Variants in TTC27 observed in about 807,000 individuals in gnomAD.
The protein encoded by TTC27 is tetratricopeptide repeat protein 27.
In TTC27, 79 loss-of-function variants were observed where a neutral mutation model predicts 115.9. The ratio of observed to expected loss-of-function variants is 0.68; its 90% CI spans 0.57 to 0.82. The LOEUF (loss-of-function observed/expected upper bound fraction) is 0.82. Among genes scored for constraint, TTC27 ranks in the 40% least tolerant of loss-of-function variants. The probability of loss-of-function intolerance (pLI) is 0.00; values close to 1 mark genes in which losing one functional copy is unlikely to be tolerated. For synonymous variants in TTC27, 401 were observed against 356.0 expected (o/e 1.13, Z -1.42); for missense variants, 1,054 against 993.1 (o/e 1.06, Z -0.82).
intron 9 of TTC27, among the ~76,000 whole-genome samples, chr2:32,690,590 A>C (rs917402013): frequency 2.6e-5 from 4 of 152,220 alleles, no homozygotes; most frequent in Admixed American, 6.5e-5. Context: ...GATAGGGTTT[A>C]GATGGAGTGA....
intron 16 of TTC27, among the ~76,000 whole-genome samples, chr2:32,792,441 G>A (rs1229915973): frequency 3.3e-5 from 5 of 152,108 alleles, no homozygotes; most frequent in Admixed American, 2.0e-4. Flanking sequence ...GACATCTGGC[G>A]TATTTAACCT....
At chr2:32,733,457 C>G (rs1251273954) in intron 10 of TTC27, among the ~76,000 whole-genome samples, 1 of 152,096 alleles carries the variant, frequency 6.6e-6, no homozygotes, top group Non-Finnish European at 1.5e-5. Flanking sequence ...TAATTTTTCT[C>G]TGATTTATAT....
At chr2:32,786,937 A>T in intron 15 of TTC27, 47 bp from the exon 16 acceptor site, 1 of 1,484,514 alleles carries the variant, frequency 6.7e-7, no homozygotes, top group Non-Finnish European at 9.2e-7. Context: ...TTATTCTAAT[A>T]AAAAAAGAGT....
intron 10 of TTC27, among the ~76,000 whole-genome samples, chr2:32,712,226 AG>A (rs1256694120): frequency 1.3e-5 from 2 of 152,250 alleles, no homozygotes; most frequent in Non-Finnish European, 2.9e-5. Flanking sequence ...TCACAACTAA[AG>A]GTAAATAAAT....
chr2:32,786,903 G>C (rs1572612976), intron 15 of TTC27, 81 bp from the exon 16 acceptor site: 1 of 1,216,938 alleles, frequency 8.2e-7, no homozygotes, highest in Non-Finnish European at 1.1e-6. Flanking sequence ...GTCCACATTA[G>C]TATTTTATAC....
chr2:32,668,974 G>A (rs1367953403), intron 7 of TTC27, among the ~76,000 whole-genome samples: 5 of 151,994 alleles, frequency 3.3e-5, no homozygotes, highest in African/African-American at 1.2e-4. Flanking sequence ...AGCTACTCCG[G>A]AGTCTGTGGC....
chr2:32,772,144 G>A (rs983376546), intron 13 of TTC27, among the ~76,000 whole-genome samples: 1 of 152,112 alleles, frequency 6.6e-6, no homozygotes, highest in Non-Finnish European at 1.5e-5. Context: ...TTGTCTAGTG[G>A]TGCTTAGTTT....
chr2:32,773,964 G>C (rs577808660), intron 13 of TTC27, among the ~76,000 whole-genome samples: 1 of 152,104 alleles, frequency 6.6e-6, no homozygotes, highest in Admixed American at 6.5e-5. Context: ...CTTGAAATGT[G>C]ACTAGTTGAA....
intron 16 of TTC27, among the ~76,000 whole-genome samples, chr2:32,808,417 A>C (rs981175983): frequency 1.6e-4 from 24 of 152,204 alleles, no homozygotes; most frequent in African/African-American, 2.4e-5. Flanking sequence ...TTGAACATGC[A>C]GATGGGGAGC....
At chr2:32,808,440 G>A (rs1302395050) in intron 16 of TTC27, among the ~76,000 whole-genome samples, 1 of 152,112 alleles carries the variant, frequency 6.6e-6, no homozygotes, top group Non-Finnish European at 1.5e-5. Flanking sequence ...GAAACAAATT[G>A]GTTATTGCCT....
Position 32,650,230 on chromosome 2 carries a change from C to G in TTC27, c.637C>G (p.Gln213Glu). Residue 213 changes from glutamine to glutamate, a missense_variant, in exon 5 of 20, where the codon CAA becomes GAA. Physicochemically the swap from Gln to Glu is conservative, Grantham distance 29. Transcript: ENST00000317907. ...TACTCTTGCCGAAAACTGTATTGAT[C>G]AAGGTATGTAGCAGATTTTTGTTTG... ...LFTLAENCID[Q>E]VMKLQNLFVD... 6.2e-7 allele frequency: 1 copy of G among 1,612,918 alleles called. No homozygotes were observed. The highest frequency in any genetic ancestry group is 8.5e-7 in the Non-Finnish European group (1 of 1,179,342).
At chr2:32,668,680 C>A (rs1413608117) in intron 7 of TTC27, among the ~76,000 whole-genome samples, 2 of 151,614 alleles carry the variant, frequency 1.3e-5, no homozygotes, top group Non-Finnish European at 2.9e-5. Flanking sequence ...CCTCAACCTC[C>A]CAAAGTGCTG....
chr2:32,818,752 A>C (rs1572641472), intron 19 of TTC27, among the ~76,000 whole-genome samples: 1 of 152,140 alleles, frequency 6.6e-6, no homozygotes, highest in Non-Finnish European at 1.5e-5. Flanking sequence ...TACTTCCGAG[A>C]GTAAGTCTCT....
At chr2:32,784,419 A>G (rs1670282664) in intron 15 of TTC27, among the ~76,000 whole-genome samples, 1 of 152,174 alleles carries the variant, frequency 6.6e-6, no homozygotes, top group African/African-American at 2.4e-5. Context: ...GCAATTATTA[A>G]TGCTTCTCTC....
intron 16 of TTC27, among the ~76,000 whole-genome samples, chr2:32,787,515 C>G (rs1047443948): frequency 2.0e-5 from 3 of 152,060 alleles, no homozygotes; most frequent in Non-Finnish European, 4.4e-5. Context: ...CTCACTTGTT[C>G]ATTCATTTAA....
At chr2:32,670,201 T>C (rs1029178689) in intron 7 of TTC27, among the ~76,000 whole-genome samples, 1 of 152,106 alleles carries the variant, frequency 6.6e-6, no homozygotes, top group Non-Finnish European at 1.5e-5. Context: ...ATTTGGCTCC[T>C]AAAGTCCTCT....
chr2:32,667,483 C>G (rs1665826860), intron 7 of TTC27, among the ~76,000 whole-genome samples: 1 of 144,238 alleles, frequency 6.9e-6, no homozygotes, highest in East Asian at 2.1e-4. Context: ...GTGGCGTAAT[C>G]TCGGCTCAAT....
At chr2:32,760,732 T>C (rs1669406817) in intron 13 of TTC27, among the ~76,000 whole-genome samples, 1 of 152,216 alleles carries the variant, frequency 6.6e-6, no homozygotes, top group South Asian at 2.1e-4. Flanking sequence ...GCAGTTGCCT[T>C]ATGAGTGGGG....
At chr2:32,734,360 TACC>T (rs1210107655) in intron 11 of TTC27, among the ~76,000 whole-genome samples, 3 of 152,198 alleles carry the variant, frequency 2.0e-5, no homozygotes, top group African/African-American at 7.2e-5. Flanking sequence ...AGATGTGCAC[TACC>T]ATGCCTGGCT....
Sources: allele counts gnomAD v4.1 joint callset (sites outside exome capture counted in the v4.1 genomes callset), GRCh38; gene constraint gnomAD v4.1.1; transcripts MANE v1.5; gene names NCBI Gene and HGNC (gene_info 2026-07-23, HGNC 2026-07-21).